The following FHIP1A variants were observed in gnomAD, a reference collection of about 807,000 sequenced individuals.
FHIP1A encodes FHF complex subunit HOOK interacting protein 1A.
In FHIP1A, 61 loss-of-function variants were observed where a neutral mutation model predicts 88.6. That is an observed-to-expected ratio of 0.69 (90% CI 0.56 to 0.85). FHIP1A has a LOEUF of 0.85. Among genes scored for constraint, FHIP1A ranks in the 40% least tolerant of loss-of-function variants. FHIP1A has a pLI of 0.00. For synonymous variants in FHIP1A, 478 were observed against 496.0 expected, an observed-to-expected ratio of 0.96 and a Z score of 0.48; for missense variants, 1,154 against 1,273.5, an observed-to-expected ratio of 0.91 and a Z score of 1.43.
intron 1 of FHIP1A, among the ~76,000 whole-genome samples, chr4:151,443,217 G>A (rs1160815799): frequency 2.6e-5 from 4 of 152,168 alleles, no homozygotes; most frequent in African/African-American, 9.7e-5. Flanking sequence ...ACGATCACTT[G>A]AGCCCAGGAG....
intron 7 of FHIP1A, among the ~76,000 whole-genome samples, chr4:151,606,277 T>A (rs574903558): frequency 6.6e-6 from 1 of 152,348 alleles, no homozygotes; most frequent in East Asian, 1.9e-4. Context: ...TCAGCAGGTC[T>A]CTGCTCTTTG....
At chr4:151,527,743 T>G (rs904434507) in intron 3 of FHIP1A, among the ~76,000 whole-genome samples, 4 of 152,234 alleles carry the variant, frequency 2.6e-5, no homozygotes, top group African/African-American at 9.6e-5. Flanking sequence ...CTGTGAATCA[T>G]AAACCATAGT....
chr4:151,523,232 G>C (rs908218874), intron 3 of FHIP1A, among the ~76,000 whole-genome samples: 1 of 152,056 alleles, frequency 6.6e-6, no homozygotes, highest in African/African-American at 2.4e-5. Flanking sequence ...TATATTTCAG[G>C]GTTTTTTTTG....
At chr4:151,639,669 C>G (rs1736495246) in intron 9 of FHIP1A, among the ~76,000 whole-genome samples, 1 of 152,134 alleles carries the variant, frequency 6.6e-6, no homozygotes, top group Admixed American at 6.5e-5. Flanking sequence ...GAAGCGGACC[C>G]AGAGAGAATG....
At chr4:151,616,610 G>A (rs568930518) in intron 7 of FHIP1A, among the ~76,000 whole-genome samples, 1 of 151,284 alleles carries the variant, frequency 6.6e-6, no homozygotes, top group Admixed American at 6.6e-5. Flanking sequence ...CACCACACCT[G>A]GCTAATTTTT....
At chr4:151,638,655 A>G in intron 8 of FHIP1A, 22 bp from the exon 9 acceptor site, 3 of 1,462,890 alleles carry the variant, frequency 2.1e-6, no homozygotes, top group Non-Finnish European at 2.8e-6. Context: ...CTGAACTAGA[A>G]TGTGTGTCTC....
intron 3 of FHIP1A, among the ~76,000 whole-genome samples, chr4:151,530,435 G>A (rs1731830433): frequency 1.3e-5 from 2 of 152,122 alleles, no homozygotes. Flanking sequence ...TCCTCAGTTA[G>A]GTACCTTCCT....
chr4:151,456,146 T>C (rs1225444645), intron 2 of FHIP1A, among the ~76,000 whole-genome samples: 2 of 152,168 alleles, frequency 1.3e-5, no homozygotes, highest in Non-Finnish European at 2.9e-5. Context: ...CAGAGATTTA[T>C]TGACATGATA....
intron 1 of FHIP1A, among the ~76,000 whole-genome samples, chr4:151,446,763 A>G (rs1226858158): frequency 6.6e-6 from 1 of 151,910 alleles, no homozygotes; most frequent in East Asian, 1.9e-4. Context: ...CTTAGAGTGC[A>G]CACTATTAAA....
chr4:151,438,398 C>T (rs904815949), intron 1 of FHIP1A, among the ~76,000 whole-genome samples: 7 of 152,030 alleles, frequency 4.6e-5, no homozygotes, highest in Non-Finnish European at 1.0e-4. Context: ...AGTAACCTAG[C>T]GGGGCACCTG....
rs1180866775 is a variant in FHIP1A, at chr4:151,661,866, G to A, written c.2870-635G>A. 2.0e-5 allele frequency among the ~76,000 whole-genome samples: 3 copies of A among 152,264 alleles called. 1 individual carries two copies. The South Asian group carries it at 6.2e-4, about 32-fold the overall frequency. ...ATGGTTGCAGGAAGTTCTTAATCTGGTCTTTCCAGCACCCAACTTCCTTCC... is the reference window on the plus strand; with the variant it reads ...ATGGTTGCAGGAAGTTCTTAATCTGATCTTTCCAGCACCCAACTTCCTTCC... On this transcript the variant is annotated intron_variant, in intron 13 of 13. Coordinates refer to ENST00000435205, the MANE Select transcript of FHIP1A (RefSeq NM_001109977.3).
intron 7 of FHIP1A, among the ~76,000 whole-genome samples, chr4:151,624,615 TTTA>T (rs1735881873): frequency 1.3e-5 from 2 of 152,200 alleles, no homozygotes; most frequent in Non-Finnish European, 2.9e-5. Flanking sequence ...TGGCTTTTAT[TTTA>T]ATACACTTTC....
Position 151,452,957 on chromosome 4 carries a change from C to T in FHIP1A, c.-355-1744C>T, listed in dbSNP as rs993030143. 3.1e-4 allele frequency among the ~76,000 whole-genome samples: 45 copies of T among 144,444 alleles called. No individual in the cohort carries two copies. The East Asian group carries it at 4.6e-3, about 15-fold the overall frequency. The allele number at this position is 144,444 out of a possible 152,430, so 94.8% of individuals were successfully genotyped here. A position where few individuals can be genotyped will look rare whatever the true frequency, so the allele number is the denominator to read the frequency against. On this transcript the variant is annotated intron_variant, in intron 1 of 13. Coordinates refer to ENST00000435205, the MANE Select transcript of FHIP1A (RefSeq NM_001109977.3). ...AAACGTATATATATATATATACATACACACACACACACACACACAAACATA... is the reference window on the plus strand; with the variant it reads ...AAACGTATATATATATATATACATATACACACACACACACACACAAACATA...
At chr4:151,528,075 C>G (rs1386556158) in intron 3 of FHIP1A, among the ~76,000 whole-genome samples, 1 of 152,182 alleles carries the variant, frequency 6.6e-6, no homozygotes, top group East Asian at 1.9e-4. Context: ...CTGAGTTTTT[C>G]TGCTTCTCCC....
chr4:151,474,390 T>C (rs111607410), intron 2 of FHIP1A, among the ~76,000 whole-genome samples: 1,790 of 152,288 alleles, frequency 0.012, 27 homozygotes, highest in African/African-American at 0.042. Flanking sequence ...AGTTCTAAAA[T>C]ACAGGGTTTG....
rs1293611438 is a variant in FHIP1A, at chr4:151,665,963, C to T, written c.*3209C>T. Among the ~76,000 whole-genome samples, 3 of 152,148 alleles carry T rather than the reference C, an allele frequency of 2.0e-5. No individual in the cohort carries two copies. The highest frequency in any genetic ancestry group is 2.1e-4 in the South Asian group (1 of 4,824). The stretch of plus-strand genomic sequence containing the variant: ...CCCGCTGGCGCAGCCCCTGAGCTGG[C>T]GTCACTGCGTCTGGCCTGGGCAGGA... On this transcript the variant is annotated 3_prime_UTR_variant, in exon 14 of 14. Coordinates refer to ENST00000435205, the MANE Select transcript of FHIP1A (RefSeq NM_001109977.3).
At chr4:151,532,754 T>TAG (rs554825829) in intron 3 of FHIP1A, among the ~76,000 whole-genome samples, 88 of 152,204 alleles carry the variant, frequency 5.8e-4, no homozygotes, top group African/African-American at 2.1e-3. Flanking sequence ...TAATTGGACT[T>TAG]AGAGTTCCAC....
At chr4:151,443,685 C>CTGTGTGTGTG (rs57147339) in intron 1 of FHIP1A, among the ~76,000 whole-genome samples, 2,927 of 122,112 alleles carry the variant, frequency 0.024, 54 homozygotes, top group African/African-American at 0.033. Context: ...ATGAAGCACT[C>CTGTGTGTGTG]TGTGTGTGTG....
At chr4:151,499,414 A>G (rs1040168622) in intron 3 of FHIP1A, among the ~76,000 whole-genome samples, 2 of 152,192 alleles carry the variant, frequency 1.3e-5, no homozygotes, top group East Asian at 3.8e-4. Flanking sequence ...GCCCAGTACA[A>G]GTTCAGCCTG....
Sources: allele counts gnomAD v4.1 joint callset (sites outside exome capture counted in the v4.1 genomes callset), GRCh38; gene constraint gnomAD v4.1.1; transcripts MANE v1.5; gene names NCBI Gene and HGNC (gene_info 2026-07-23, HGNC 2026-07-21).